Variants in CKS1B observed in about 807,000 individuals in gnomAD.
CKS1B encodes cyclin-dependent kinases regulatory subunit 1.
A neutral mutation model predicts 12.2 loss-of-function variants in CKS1B; 5 were observed. That is an observed-to-expected ratio of 0.41 (90% CI 0.21 to 0.86). The LOEUF is 0.86. Among genes scored for constraint, CKS1B ranks in the 40% least tolerant of loss-of-function variants. The probability of loss-of-function intolerance (pLI) is 0.32; values close to 1 mark genes in which losing one functional copy is unlikely to be tolerated. For synonymous variants in CKS1B, 24 were observed against 34.4 expected, an observed-to-expected ratio of 0.70 and a Z score of 1.06; for missense variants, 53 against 99.9, an observed-to-expected ratio of 0.53 and a Z score of 2.00.
intron 2 of CKS1B, 137 bp downstream of exon 2, chr1:154,978,251 A>T (rs369038429): frequency 0.015 from 14,320 of 952,164 alleles, 158 homozygotes; most frequent in Admixed American, 0.019. Flanking sequence ...GGATTTTTTT[A>T]AAAAAAAACT....
chr1:154,975,294 G>A (rs1657133290), intron 1 of CKS1B, among the ~76,000 whole-genome samples: 1 of 152,142 alleles, frequency 6.6e-6, no homozygotes, highest in African/African-American at 2.4e-5. Flanking sequence ...TGTAAGGAAG[G>A]GGATCGCTTG....
At chr1:154,977,644 T>A (rs1657223863) in intron 1 of CKS1B, 1 of 203,968 alleles carries the variant, frequency 4.9e-6, no homozygotes, top group African/African-American at 2.3e-5. Flanking sequence ...ATAACTTCTC[T>A]TCCTTCCTTC....
chr1:154,977,090 C>T (rs895877358), intron 1 of CKS1B, among the ~76,000 whole-genome samples: 2 of 152,038 alleles, frequency 1.3e-5, no homozygotes, highest in African/African-American at 4.8e-5. Context: ...TGGCTATTCA[C>T]AGGCACAACC....
chr1:154,978,203 G>A (rs978463680), intron 2 of CKS1B, 89 bp downstream of exon 2: 116 of 1,337,792 alleles, frequency 8.7e-5, no homozygotes, highest in Non-Finnish European at 1.1e-4. Context: ...AGGGAGATAG[G>A]AAATGGTTTA....
rs777084456 is a variant in CKS1B at position 154,977,967 on chromosome 1, C to A, written c.60-20C>A. The A allele has an allele frequency of 6.2e-7, 1 of 1,609,538 alleles. No individual in the cohort carries two copies. Among genetic ancestry groups the A allele is most frequent in the Non-Finnish European group, 8.5e-7 (1 of 1,177,942 alleles). ...ATCTGGTACTAACATAAATTCCCCA[C>A]TTCCCCGTTTCTGTTACAGACATGT... is the stretch of plus-strand genomic sequence containing the variant. On this transcript the variant is annotated intron_variant, in intron 1 of 2. Coordinates refer to ENST00000308987, the MANE Select transcript of CKS1B (RefSeq NM_001826.3).
intron 1 of CKS1B, among the ~76,000 whole-genome samples, chr1:154,976,736 A>G (rs778244931): frequency 6.6e-6 from 1 of 152,168 alleles, no homozygotes; most frequent in Non-Finnish European, 1.5e-5. Context: ...ATTGAAGCCA[A>G]ATTTCGTGCC....
intron 1 of CKS1B, chr1:154,975,221 TGA>T (rs770623690): frequency 3.6e-6 from 2 of 560,754 alleles, no homozygotes; most frequent in South Asian, 2.2e-5. Context: ...AGAGTAGCGC[TGA>T]GAGAGTTGAA....
In CKS1B at chr1:154,978,894, T is replaced by C; in HGVS notation, c.*117T>C. 1 of 696,692 alleles carries C rather than the reference T, an allele frequency of 1.4e-6. No individual in the cohort carries two copies. Among genetic ancestry groups the C allele is most frequent in the Non-Finnish European group, 2.5e-6 (1 of 396,724 alleles). The allele number at this position is 696,692 out of a possible 1,614,324, so 43.2% of individuals were successfully genotyped here. A position where few individuals can be genotyped will look rare whatever the true frequency, so the allele number is the denominator to read the frequency against. ...TTCTCACTTTGATATTTAAAAGATG[T>C]TCAATACACTGTTTGAATGTGCTGG... is the stretch of plus-strand genomic sequence containing the variant. On this transcript the variant is annotated 3_prime_UTR_variant, in exon 3 of 3. Transcript: ENST00000308987.
chr1:154,978,581 C>G, intron 2 of CKS1B, 144 bp from the exon 3 acceptor site: 1 of 671,670 alleles, frequency 1.5e-6, no homozygotes, highest in Non-Finnish European at 2.6e-6. Flanking sequence ...ACTTCTGGGT[C>G]TGCTTCTAAG....
chr1:154,976,945 G>C (rs1657202432), intron 1 of CKS1B, among the ~76,000 whole-genome samples: 1 of 152,046 alleles, frequency 6.6e-6, no homozygotes, highest in African/African-American at 2.4e-5. Context: ...ACTTATCCTT[G>C]GTTAGAAAAG....
chr1:154,974,933 G>C, intron 1 of CKS1B, 129 bp downstream of exon 1: 2 of 1,613,714 alleles, frequency 1.2e-6, no homozygotes, highest in Admixed American at 1.7e-5. Flanking sequence ...GCAATGGTGT[G>C]ATATTGTGGA....
chr1:154,974,738 G>A lies in CKS1B; in HGVS notation c.-8G>A, dbSNP rs1488312224. The A allele has an allele frequency of 4.4e-6, 7 of 1,592,334 alleles. No individual in the cohort carries two copies. Among genetic ancestry groups the A allele is most frequent in the Non-Finnish European group, 6.0e-6 (7 of 1,169,442 alleles). On this transcript the variant is annotated 5_prime_UTR_variant, in exon 1 of 3. Transcript: ENST00000308987. ...GCGCGGGGCTGAAGGCTAGCAAACC[G>A]AGCGATCATGTCGCACAAACAAATT...
intron 1 of CKS1B, chr1:154,975,747 T>G (rs968723033): frequency 6.5e-6 from 1 of 154,908 alleles, no homozygotes; most frequent in African/African-American, 2.4e-5. Context: ...TCGGTCGGTC[T>G]TCTTCCCTGG....
At chr1:154,975,369 G>T (rs1161026190) in intron 1 of CKS1B, among the ~76,000 whole-genome samples, 1 of 152,180 alleles carries the variant, frequency 6.6e-6, no homozygotes, top group Non-Finnish European at 1.5e-5. Flanking sequence ...TCTAATAGAT[G>T]CCCTTTAAAT....
In CKS1B at chr1:154,978,844, T is replaced by A; in HGVS notation, c.*67T>A. 1 of 935,598 alleles carries A rather than the reference T, an allele frequency of 1.1e-6. No homozygotes were observed. The highest frequency in any genetic ancestry group is 1.4e-5 in the South Asian group (1 of 73,722). The allele number at this position is 935,598 out of a possible 1,614,324, so 58.0% of individuals were successfully genotyped here. ...TCCTTACTTCCTAACATCTTTCTGATAACATTATTATGTTGCCTTCTTGTT... is the reference window on the plus strand; with the variant it reads ...TCCTTACTTCCTAACATCTTTCTGAAAACATTATTATGTTGCCTTCTTGTT... On this transcript the variant is annotated 3_prime_UTR_variant, in exon 3 of 3. Transcript: ENST00000308987.
chr1:154,975,016 CAG>C, intron 1 of CKS1B: 1 of 1,357,258 alleles, frequency 7.4e-7, no homozygotes, highest in Admixed American at 1.7e-5. Flanking sequence ...AGTCGCCTCT[CAG>C]TAGAGAGGAG....
chr1:154,975,035 G>C (rs1657116698), intron 1 of CKS1B: 7 of 1,157,748 alleles, frequency 6.0e-6, no homozygotes, highest in Non-Finnish European at 1.3e-6. Flanking sequence ...GGAGAGAGGG[G>C]TGGGCGTGGT....
intron 1 of CKS1B, chr1:154,977,710 T>C (rs925918395): frequency 2.8e-6 from 1 of 361,352 alleles, no homozygotes; most frequent in Non-Finnish European, 5.0e-6. Context: ...GATAATCAAC[T>C]AGAAGACTAT....
intron 1 of CKS1B, chr1:154,975,663 C>T (rs1242008383): frequency 6.5e-6 from 1 of 154,842 alleles, no homozygotes; most frequent in African/African-American, 2.4e-5. Context: ...TTGCTAACTC[C>T]AGGACGCTCC....
Sources: gnomAD v4.1 joint callset for allele counts (sites outside exome capture counted in the v4.1 genomes callset) on GRCh38, gnomAD v4.1.1 for gene constraint, MANE v1.5 for transcripts, NCBI Gene and HGNC (gene_info 2026-07-23, HGNC 2026-07-21) for gene names.